NLRP2: variants seen among roughly 807,000 people sequenced by gnomAD.
The protein encoded by NLRP2 is NACHT, LRR and PYD domains-containing protein 2.
NLRP2 carries 107 observed loss-of-function variants against 97.2 expected under a neutral mutation model. That is an observed-to-expected ratio of 1.10 (90% confidence interval 0.94 to 1.29). The LOEUF (loss-of-function observed/expected upper bound fraction) is 1.29, where lower values mean the gene tolerates loss of function less well. Among genes scored for constraint, NLRP2 ranks in the 50% most tolerant of loss-of-function variants. NLRP2 has a pLI of 0.00. For synonymous variants in NLRP2, 663 were observed against 551.5 expected (o/e 1.20, Z -2.83); for missense variants, 1,495 against 1,330.3 (o/e 1.12, Z -1.93).
At chr19:54,979,582 C>T (rs1023908409) in intron 4 of NLRP2, among the ~76,000 whole-genome samples, 4 of 151,964 alleles carry the variant, frequency 2.6e-5, no homozygotes, top group African/African-American at 9.7e-5. Context: ...AACTCCTGAC[C>T]TCAGGTGATC....
At chr19:54,991,057 T>A (rs967627648) in intron 10 of NLRP2, 3 of 271,342 alleles carry the variant, frequency 1.1e-5, no homozygotes, top group African/African-American at 6.6e-5. Context: ...CCATGCTGTG[T>A]TTTCTCTTAA....
At chr19:54,991,024 T>C in intron 10 of NLRP2, 1 of 345,406 alleles carries the variant, frequency 2.9e-6, no homozygotes, top group East Asian at 6.0e-5. Context: ...AGTGCTAGAA[T>C]TACAGGCATG....
At position 54,981,629 on chromosome 19, in the gene NLRP2, C is replaced by A; in HGVS notation, c.410C>A (p.Thr137Lys). The change falls in exon 5 of 13, where the codon ACG becomes AAG. Residue 137 changes from threonine (T) to lysine (K), a missense_variant. Physicochemically the swap from Thr to Lys is moderately conservative, Grantham distance 78. Coordinates refer to ENST00000448584, the MANE Select transcript of NLRP2 (RefSeq NM_017852.5). ...TTGTATTTTGTAGCGTTTACAGAAA[C>A]GAAAGGAAATGTCATCTGCCTGGGT... is the stretch of plus-strand genomic sequence containing the variant. Reference protein sequence around the residue: ...FKTEAQAFTETKGNVICLGKE... With the variant: ...FKTEAQAFTEKKGNVICLGKE... 1 of 1,564,628 alleles carries A rather than the reference C, an allele frequency of 6.4e-7. No individual in the cohort carries two copies. The highest frequency in any genetic ancestry group is 8.7e-7 in the Non-Finnish European group (1 of 1,144,816).
chr19:54,969,303 C>T (rs540174982), intron 1 of NLRP2, among the ~76,000 whole-genome samples: 89 of 151,776 alleles, frequency 5.9e-4, no homozygotes, highest in Non-Finnish European at 8.7e-4. Context: ...GTGAAACCCC[C>T]CATCTCTACT....
chr19:54,973,132 A>G (rs2070972677), intron 2 of NLRP2, among the ~76,000 whole-genome samples: 1 of 151,800 alleles, frequency 6.6e-6, no homozygotes, highest in Non-Finnish European at 1.5e-5. Flanking sequence ...CAGAGGTTGC[A>G]GTGAGCCAAG....
At chr19:54,967,437 A>G (rs1177951018) in intron 1 of NLRP2, among the ~76,000 whole-genome samples, 1 of 152,122 alleles carries the variant, frequency 6.6e-6, no homozygotes, top group Non-Finnish European at 1.5e-5. Context: ...AGCCTAGATC[A>G]TACCATTGCT....
At chr19:54,997,230 C>T in intron 11 of NLRP2, 87 bp from the exon 12 acceptor site, 1 of 1,347,430 alleles carries the variant, frequency 7.4e-7, no homozygotes, top group East Asian at 2.3e-5. Context: ...TCATGCAGAT[C>T]CCCAACACAC....
intron 11 of NLRP2, among the ~76,000 whole-genome samples, chr19:54,996,399 A>G (rs752268921): frequency 2.9e-4 from 44 of 152,142 alleles, no homozygotes; most frequent in Non-Finnish European, 5.1e-4. Flanking sequence ...AATCTCATCT[A>G]CTTGGAGGCA....
At chr19:54,986,385 T>C in intron 8 of NLRP2, 70 bp downstream of exon 8, 1 of 1,471,136 alleles carries the variant, frequency 6.8e-7, no homozygotes, top group Non-Finnish European at 9.5e-7. Flanking sequence ...GTGGCAATTT[T>C]GTGTAAATAA....
At chr19:54,976,810 C>CTTTTTTTTTT (rs749684265) in intron 3 of NLRP2, 3,664 of 317,880 alleles carry the variant, frequency 0.012, 440 homozygotes, top group East Asian at 0.032. Flanking sequence ...CTTGTTCTCT[C>CTTTTTTTTTT]TCTTTTTTTT....
intron 6 of NLRP2, among the ~76,000 whole-genome samples, chr19:54,983,983 T>A (rs2071848109): frequency 6.6e-6 from 1 of 152,152 alleles, no homozygotes. Flanking sequence ...CCTGAGTAGC[T>A]GGGACTACAG....
rs765824500 is a variant in NLRP2 at position 54,986,242 on chromosome 19, A to C, written c.2293A>C (p.Asn765His). The C allele has an allele frequency of 6.2e-7, 1 of 1,613,968 alleles. No individual in the cohort carries two copies. Among genetic ancestry groups the C allele is most frequent in the Non-Finnish European group, 8.5e-7 (1 of 1,179,886 alleles). The change falls in exon 8 of 13, where the codon AAT becomes CAT. Residue 765 changes from asparagine to histidine, a missense_variant. Transcript: ENST00000448584. ...KTVTYLTLQG[N>H]DQDDMFPALC... is the part of the protein sequence containing the mutation. ...TGTAACGTATCTGACCCTTCAAGGCAATGACCAGGATGATATGTTTCCCGC... is the reference window on the plus strand; with the variant it reads ...TGTAACGTATCTGACCCTTCAAGGCCATGACCAGGATGATATGTTTCCCGC...
chr19:54,981,511 C>T (rs919597810), intron 4 of NLRP2, 106 bp from the exon 5 acceptor site: 8 of 265,068 alleles, frequency 3.0e-5, no homozygotes, highest in African/African-American at 1.3e-4. Flanking sequence ...GATCCCGTGC[C>T]CCCCCTCCCC....
chr19:54,976,657 T>C (rs2071246980), intron 3 of NLRP2, among the ~76,000 whole-genome samples: 1 of 151,980 alleles, frequency 6.6e-6, no homozygotes. Flanking sequence ...GTGAAGACTC[T>C]AAAGGCTCTT....
intron 10 of NLRP2, among the ~76,000 whole-genome samples, chr19:54,992,001 C>G (rs2146516245): frequency 6.7e-6 from 1 of 149,582 alleles, no homozygotes; most frequent in African/African-American, 2.5e-5. Context: ...TCACTGCAAC[C>G]TCCGGCTTCA....
chr19:54,998,411 A>G (rs1391985940), intron 12 of NLRP2, among the ~76,000 whole-genome samples: 1 of 151,828 alleles, frequency 6.6e-6, no homozygotes, highest in Non-Finnish European at 1.5e-5. Context: ...AATATACTCT[A>G]CTGCTGGCTT....
intron 2 of NLRP2, among the ~76,000 whole-genome samples, chr19:54,973,541 A>C (rs942714126): frequency 2.0e-5 from 3 of 151,710 alleles, no homozygotes; most frequent in African/African-American, 7.3e-5. Flanking sequence ...ATGCCCGCTA[A>C]TTTTTGTATT....
chr19:54,969,492 A>T (rs1205753612), intron 1 of NLRP2, among the ~76,000 whole-genome samples: 1 of 151,652 alleles, frequency 6.6e-6, no homozygotes, highest in Non-Finnish European at 1.5e-5. Context: ...AAAAAAAAAA[A>T]AAAAATACAA....
chr19:54,988,494 C>T (rs999578983), intron 8 of NLRP2, among the ~76,000 whole-genome samples: 5 of 151,956 alleles, frequency 3.3e-5, no homozygotes, highest in South Asian at 2.1e-4. Flanking sequence ...GACAGGGTTA[C>T]GCCATGCTGG....
Sources: gnomAD v4.1 joint callset for allele counts (sites outside exome capture counted in the v4.1 genomes callset) on GRCh38, gnomAD v4.1.1 for gene constraint, MANE v1.5 for transcripts, NCBI Gene and HGNC (gene_info 2026-07-23, HGNC 2026-07-21) for gene names.